The following PCDH15 variants were observed in gnomAD, a reference collection of about 807,000 sequenced individuals.
PCDH15 encodes the protein protocadherin related 15, also known as protocadherin-15.
PCDH15 carries 129 observed loss-of-function variants against 178.5 expected under a neutral mutation model. That is an observed-to-expected ratio of 0.72 (90% CI 0.63 to 0.84). The LOEUF (loss-of-function observed/expected upper bound fraction) is 0.84, where lower values mean the gene tolerates loss of function less well. PCDH15 is among the 40% of genes least tolerant of loss of function. The pLI, the probability that PCDH15 is intolerant of heterozygous loss-of-function variation, is 0.00. For missense variants in PCDH15, 2,230 were observed against 2,099.9 expected, an observed-to-expected ratio of 1.06 and a Z score of -1.21; for synonymous variants, 800 against 732.0, an observed-to-expected ratio of 1.09 and a Z score of -1.50.
At chr10:54,258,088 C>T (rs765516434) in intron 8 of PCDH15, among the ~76,000 whole-genome samples, 4 of 151,998 alleles carry the variant, frequency 2.6e-5, no homozygotes, top group Admixed American at 6.6e-5. Flanking sequence ...TTTTTGGGAT[C>T]ATCCTCTGTG....
At chr10:54,484,953 A>G (rs537953160) in intron 3 of PCDH15, among the ~76,000 whole-genome samples, 2 of 151,838 alleles carry the variant, frequency 1.3e-5, no homozygotes, top group Non-Finnish European at 2.9e-5. Context: ...GCCCATAAAT[A>G]ATAATCTTCC....
chr10:55,420,035 G>A (rs1015921581), intron 2 of PCDH15, among the ~76,000 whole-genome samples: 9 of 151,696 alleles, frequency 5.9e-5, no homozygotes, highest in Admixed American at 4.0e-4. Flanking sequence ...TATTTAACTC[G>A]AAAATCCGCT....
At chr10:53,934,771 G>A (rs1424811175) in intron 25 of PCDH15, among the ~76,000 whole-genome samples, 1 of 151,968 alleles carries the variant, frequency 6.6e-6, no homozygotes, top group Non-Finnish European at 1.5e-5. Flanking sequence ...CTCCAGGGAG[G>A]CAGCAAGAGC....
At chr10:54,766,541 C>CAA (rs1948529232) in intron 1 of PCDH15, among the ~76,000 whole-genome samples, 1 of 141,466 alleles carries the variant, frequency 7.1e-6, no homozygotes, top group African/African-American at 2.7e-5. Context: ...GCAATTGATA[C>CAA]AAGAAAAAAA....
rs373674129 is a variant in PCDH15, at chr10:55,554,741, A to G, written c.-156+72884T>C. 7.9e-5 allele frequency among the ~76,000 whole-genome samples: 12 copies of G among 152,224 alleles called. No homozygotes were observed. The East Asian group carries it at 1.9e-3, about 25-fold the overall frequency. On this transcript the variant is annotated intron_variant, in intron 2 of 5. Transcript: ENST00000613346. ...CCTGTGTAAAATGAGGGACAACCAT[A>G]TTAACTAAAGTCCATAGTTAATTTT... is the stretch of plus-strand genomic sequence containing the variant.
intron 2 of PCDH15, among the ~76,000 whole-genome samples, chr10:55,593,671 ACTTAT>A (rs972199716): frequency 9.9e-5 from 15 of 151,916 alleles, no homozygotes; most frequent in African/African-American, 2.7e-4. Flanking sequence ...TTGTGTGATG[ACTTAT>A]CTTATCAACC....
chr10:54,502,273 G>T (rs1271094038), intron 3 of PCDH15, among the ~76,000 whole-genome samples: 2 of 152,036 alleles, frequency 1.3e-5, no homozygotes, highest in African/African-American at 4.8e-5. Flanking sequence ...TTAATATAAT[G>T]CTTGGCACAT....
intron 1 of PCDH15, among the ~76,000 whole-genome samples, chr10:55,305,900 T>C (rs1278626259): frequency 6.6e-6 from 1 of 152,184 alleles, no homozygotes; most frequent in Non-Finnish European, 1.5e-5. Context: ...ACATGCCCAA[T>C]GACAAAACAT....
intron 2 of PCDH15, among the ~76,000 whole-genome samples, chr10:54,537,700 T>A (rs993667299): frequency 6.6e-6 from 1 of 152,134 alleles, no homozygotes; most frequent in Non-Finnish European, 1.5e-5. Context: ...TCTCCAAATT[T>A]CCACATTGGC....
intron 2 of PCDH15, among the ~76,000 whole-genome samples, chr10:55,491,959 C>T (rs543387532): frequency 1.3e-5 from 2 of 151,514 alleles, no homozygotes; most frequent in Non-Finnish European, 2.9e-5. Context: ...GAGGATTATG[C>T]AAGCCATACA....
chr10:55,029,460 C>T (rs1840556599), intron 2 of PCDH15, among the ~76,000 whole-genome samples: 1 of 151,934 alleles, frequency 6.6e-6, no homozygotes, highest in South Asian at 2.1e-4. Flanking sequence ...TTGATTAGCT[C>T]TTCTATATGT....
intron 2 of PCDH15, among the ~76,000 whole-genome samples, chr10:55,021,533 AT>A (rs1175039763): frequency 2.6e-5 from 4 of 152,070 alleles, no homozygotes; most frequent in African/African-American, 7.2e-5. Context: ...TCTCAATCCT[AT>A]TTTTCCCTGA....
At chr10:53,922,510 T>C (rs868750924) in intron 25 of PCDH15, among the ~76,000 whole-genome samples, 4 of 152,308 alleles carry the variant, frequency 2.6e-5, no homozygotes, top group Middle Eastern at 3.4e-3. Flanking sequence ...ACCAAAATCA[T>C]GGATCTTAAG....
intron 2 of PCDH15, among the ~76,000 whole-genome samples, chr10:55,560,255 C>G (rs1253655243): frequency 6.6e-6 from 1 of 151,918 alleles, no homozygotes; most frequent in Non-Finnish European, 1.5e-5. Context: ...GGCCAGAACA[C>G]AAAGCAGCAC....
At chr10:53,951,131 T>A (rs2086992179) in intron 23 of PCDH15, among the ~76,000 whole-genome samples, 1 of 152,338 alleles carries the variant, frequency 6.6e-6, no homozygotes, top group Non-Finnish European at 1.5e-5. Flanking sequence ...TTTTTATGAA[T>A]AAGATTAACA....
chr10:54,474,819 G>A (rs11004329), intron 3 of PCDH15, among the ~76,000 whole-genome samples: 17,661 of 151,868 alleles, frequency 0.12, 1,146 homozygotes, highest in East Asian at 0.28. Flanking sequence ...AAAATGTTTC[G>A]AGGTTTTTCA....
chr10:55,578,655 A>T (rs1842544456), intron 2 of PCDH15, among the ~76,000 whole-genome samples: 1 of 152,182 alleles, frequency 6.6e-6, no homozygotes. Context: ...CACACTGCTA[A>T]TAAAGATATA....
chr10:54,549,294 G>A (rs77086861), intron 2 of PCDH15, among the ~76,000 whole-genome samples: 2,114 of 151,678 alleles, frequency 0.014, 42 homozygotes, highest in African/African-American at 0.048. Flanking sequence ...TTTCAACCAT[G>A]AGAAGTTAAG....
chr10:54,600,767 C>T (rs969040085), intron 2 of PCDH15: 3 of 466,640 alleles, frequency 6.4e-6, no homozygotes, highest in Non-Finnish European at 8.1e-6. Context: ...AACAGATTCT[C>T]CCATAGGGGC....
Sources: allele counts gnomAD v4.1 joint callset (sites outside exome capture counted in the v4.1 genomes callset), GRCh38; gene constraint gnomAD v4.1.1; transcripts MANE v1.5; gene names NCBI Gene and HGNC (gene_info 2026-07-23, HGNC 2026-07-21).